The following RMDN2 variants were observed in gnomAD, a reference collection of about 807,000 sequenced individuals.
RMDN2 encodes the protein regulator of microtubule dynamics 2, also known as regulator of microtubule dynamics protein 2.
In RMDN2, 61 loss-of-function variants were observed where a neutral mutation model predicts 52.8. The ratio of observed to expected loss-of-function variants is 1.16; its 90% confidence interval spans 0.94 to 1.43. The LOEUF (loss-of-function observed/expected upper bound fraction) is 1.43. Ranked by LOEUF, RMDN2 falls within the 40% of genes most tolerant of loss-of-function variation. The pLI, the probability that RMDN2 is intolerant of heterozygous loss-of-function variation, is 0.00. For missense variants in RMDN2, 592 were observed against 475.3 expected (o/e 1.25, Z -2.28); for synonymous variants, 180 against 153.1 (o/e 1.18, Z -1.30).
At chr2:38,010,483 G>T (rs1573077869) in intron 10 of RMDN2, among the ~76,000 whole-genome samples, 1 of 152,194 alleles carries the variant, frequency 6.6e-6, no homozygotes, top group Non-Finnish European at 1.5e-5. Context: ...AATGAGCAAG[G>T]CTCCATGGGC....
chr2:37,961,289 A>C (rs571518717), intron 2 of RMDN2, among the ~76,000 whole-genome samples: 1 of 152,000 alleles, frequency 6.6e-6, no homozygotes, highest in Non-Finnish European at 1.5e-5. Context: ...GTGTTTTCCA[A>C]CTTGGTTCCA....
intron 5 of RMDN2, among the ~76,000 whole-genome samples, chr2:37,985,121 GT>G (rs1175393623): frequency 6.6e-6 from 1 of 151,938 alleles, no homozygotes; most frequent in Non-Finnish European, 1.5e-5. Flanking sequence ...AAATCATGGG[GT>G]TTTTTTTCCC....
At chr2:38,050,507 C>T (rs1469647027) in intron 10 of RMDN2, among the ~76,000 whole-genome samples, 3 of 152,042 alleles carry the variant, frequency 2.0e-5, no homozygotes, top group Non-Finnish European at 4.4e-5. Context: ...TTAAAAAGCC[C>T]GTAGGGACTA....
chr2:37,944,373 C>T (rs910593182), intron 2 of RMDN2, among the ~76,000 whole-genome samples: 1 of 150,792 alleles, frequency 6.6e-6, no homozygotes, highest in Non-Finnish European at 1.5e-5. Context: ...GAGGACCATA[C>T]AGTCTCCGTC....
chr2:37,979,009 G>T (rs1672953356), intron 4 of RMDN2, among the ~76,000 whole-genome samples: 1 of 152,122 alleles, frequency 6.6e-6, no homozygotes. Flanking sequence ...AAAGAAATAG[G>T]TTGAAGGGAA....
chr2:37,986,867 C>G (rs1296429689), intron 5 of RMDN2, among the ~76,000 whole-genome samples: 1 of 151,972 alleles, frequency 6.6e-6, no homozygotes, highest in African/African-American at 2.4e-5. Flanking sequence ...TAACATTATA[C>G]TTAATGGTGA....
chr2:38,047,102 T>C (rs1681320563), intron 10 of RMDN2, among the ~76,000 whole-genome samples: 1 of 151,936 alleles, frequency 6.6e-6, no homozygotes, highest in Non-Finnish European at 1.5e-5. Context: ...CCTTCAAAAA[T>C]GAAGACAAAA....
chr2:37,966,030 G>C (rs1173169705), intron 2 of RMDN2, among the ~76,000 whole-genome samples: 1 of 152,150 alleles, frequency 6.6e-6, no homozygotes, highest in Non-Finnish European at 1.5e-5. Flanking sequence ...TTCTTTTGCT[G>C]CTTTTGAGAT....
chr2:38,043,061 T>C (rs748842131), intron 10 of RMDN2, among the ~76,000 whole-genome samples: 9 of 152,158 alleles, frequency 5.9e-5, no homozygotes, highest in Non-Finnish European at 1.2e-4. Flanking sequence ...ATTTTCTGAT[T>C]GTTTTATCAG....
chr2:38,066,432 T>C (rs1399571278), intron 10 of RMDN2, among the ~76,000 whole-genome samples: 3 of 152,240 alleles, frequency 2.0e-5, no homozygotes, highest in Non-Finnish European at 4.4e-5. Flanking sequence ...TATTTGAATA[T>C]ATTTAATTTT....
chr2:38,009,157 T>C (rs1393900308), intron 10 of RMDN2, among the ~76,000 whole-genome samples: 1 of 152,210 alleles, frequency 6.6e-6, no homozygotes. Flanking sequence ...TCATTTCAAC[T>C]TTGGTGAATC....
At chr2:37,973,992 AT>A (rs749380271) in intron 2 of RMDN2, 47 bp from the exon 3 acceptor site, 63 of 1,427,802 alleles carry the variant, frequency 4.4e-5, no homozygotes, top group Non-Finnish European at 5.8e-5. Context: ...TGCTCTGGCT[AT>A]TATACTTAAC....
chr2:37,947,125 G>A (rs1037843248), intron 2 of RMDN2, among the ~76,000 whole-genome samples: 1 of 152,082 alleles, frequency 6.6e-6, no homozygotes, highest in Non-Finnish European at 1.5e-5. Flanking sequence ...TGCAAAGTAT[G>A]AGCTTTTAAT....
At chr2:37,980,680 G>A (rs6707190) in intron 4 of RMDN2, among the ~76,000 whole-genome samples, 92,596 of 151,974 alleles carry the variant, frequency 0.61, 30,273 homozygotes, top group East Asian at 0.9. Context: ...TATGTCACTG[G>A]CCCTGTTCAT....
In RMDN2 at chr2:38,008,010, G is replaced by C. The variant is rs555664077; in HGVS notation, c.1179+3794G>C. ...GGTTGTTCAGTTTCCATGTATTTGA[G>C]GGGTTTTGAGTGAGTTTCTTAATCC... is the stretch of plus-strand genomic sequence containing the variant. On this transcript the variant is annotated intron_variant, in intron 10 of 10. Transcript: ENST00000354545. 2.1e-4 allele frequency among the ~76,000 whole-genome samples: 32 copies of C among 152,268 alleles called. No homozygotes were observed. In the South Asian group the frequency reaches 6.6e-3, roughly 32 times the overall value.
intron 10 of RMDN2, among the ~76,000 whole-genome samples, chr2:38,006,463 G>A (rs1167162051): frequency 6.6e-6 from 1 of 152,116 alleles, no homozygotes; most frequent in African/African-American, 2.4e-5. Context: ...TCTCTTTGAA[G>A]CAATTGTGAA....
intron 2 of RMDN2, among the ~76,000 whole-genome samples, chr2:37,931,021 T>TA (rs1467799453): frequency 2.6e-5 from 1 of 39,110 alleles, no homozygotes; most frequent in East Asian, 7.1e-4. Context: ...ACCCGCCGAC[T>TA]AGGTCTCTTT....
At chr2:38,006,685 A>G (rs1677138923) in intron 10 of RMDN2, among the ~76,000 whole-genome samples, 1 of 152,124 alleles carries the variant, frequency 6.6e-6, no homozygotes. Context: ...TCCTAATTGA[A>G]TACCCTTTAT....
At chr2:38,019,258 C>T (rs2125253990), downstream of RMDN2, among the ~76,000 whole-genome samples, 1 of 152,284 alleles carries the variant, frequency 6.6e-6, no homozygotes, top group Non-Finnish European at 1.5e-5. Context: ...GGTACAAACA[C>T]TTCCTTTACG....
Sources: allele counts gnomAD v4.1 joint callset (sites outside exome capture counted in the v4.1 genomes callset), GRCh38; gene constraint gnomAD v4.1.1; transcripts MANE v1.5; gene names NCBI Gene and HGNC (gene_info 2026-07-23, HGNC 2026-07-21).